Variants in PCDH9 observed in about 807,000 individuals in gnomAD.
PCDH9 encodes protocadherin 9, also known as protocadherin-9.
Under a neutral mutation model 70.6 loss-of-function variants are expected in PCDH9, and 24 were observed. The observed-to-expected ratio is 0.34, with a 90% confidence interval of 0.25 to 0.48. The LOEUF (loss-of-function observed/expected upper bound fraction) is 0.48, where lower values mean the gene tolerates loss of function less well. Ranked by LOEUF, PCDH9 falls within the 20% of genes least tolerant of loss-of-function variation. PCDH9 has a pLI of 0.99. For missense variants in PCDH9, 1,281 were observed against 1,503.6 expected (o/e 0.85, Z 2.45); for synonymous variants, 562 against 558.5 (o/e 1.01, Z -0.09).
Position 66,868,188 on chromosome 13 carries a change from C to T in PCDH9, c.3138+35316G>A, listed in dbSNP as rs184539787. On this transcript the variant is annotated intron_variant, in intron 3 of 4. Transcript: ENST00000377865. ...GAAACTGCTGCTAAAATGTAATATGCAGTACAAATTTAGCATGGCTAAATT... is the reference window on the plus strand; with the variant it reads ...GAAACTGCTGCTAAAATGTAATATGTAGTACAAATTTAGCATGGCTAAATT... Among the ~76,000 whole-genome samples the T allele has an allele frequency of 3.8e-3, 570 of 151,968 alleles. 1 individual carries two copies. The highest frequency in any genetic ancestry group is 5.1e-3 in the Admixed American group (78 of 15,264).
chr13:66,870,462 G>T (rs1327145152), intron 3 of PCDH9, among the ~76,000 whole-genome samples: 1 of 152,110 alleles, frequency 6.6e-6, no homozygotes. Context: ...CCTACAAAAT[G>T]GGAGAAAATT....
chr13:66,332,181 T>C (rs2138120408), intron 4 of PCDH9, among the ~76,000 whole-genome samples: 1 of 152,176 alleles, frequency 6.6e-6, no homozygotes, highest in East Asian at 1.9e-4. Context: ...CTTCCAAACT[T>C]CTGAGGCATT....
chr13:66,458,726 T>C lies in PCDH9; in HGVS notation c.3341-153698A>G, dbSNP rs117827786. ...ATTACCTAGAAGACAAATGGTGACATTCGAAGAGTCCAAGCTTGCTGTGAC... is the reference window on the plus strand; with the variant it reads ...ATTACCTAGAAGACAAATGGTGACACTCGAAGAGTCCAAGCTTGCTGTGAC... On this transcript the variant is annotated intron_variant, in intron 4 of 4. Coordinates refer to ENST00000377865, the MANE Select transcript of PCDH9 (RefSeq NM_203487.3). Among the ~76,000 whole-genome samples, 560 of 152,132 alleles carry C rather than the reference T, an allele frequency of 3.7e-3. 18 individuals carry two copies. The East Asian group carries it at 0.081, about 22-fold the overall frequency.
In PCDH9 at chr13:66,356,785, A is replaced by G. The variant is rs1017897111; in HGVS notation, c.3341-51757T>C. Reference sequence around the variant, plus strand: ...TTGAATAAATATATGCTACATCCTTACTAGATATGATAAAGCTTTTTGCAT... The same window carrying G: ...TTGAATAAATATATGCTACATCCTTGCTAGATATGATAAAGCTTTTTGCAT... On this transcript the variant is annotated intron_variant, in intron 4 of 4. Coordinates refer to ENST00000377865, the MANE Select transcript of PCDH9 (RefSeq NM_203487.3). Among the ~76,000 whole-genome samples, 5 of 152,116 alleles carry G rather than the reference A, an allele frequency of 3.3e-5. No individual in the cohort carries two copies. The South Asian group carries it at 8.3e-4, about 25-fold the overall frequency.
At chr13:67,035,684 G>A (rs1279856672) in intron 2 of PCDH9, among the ~76,000 whole-genome samples, 9 of 151,254 alleles carry the variant, frequency 6.0e-5, no homozygotes, top group Non-Finnish European at 1.3e-4. Flanking sequence ...GAACATAAAC[G>A]AACTTTTCTT....
intron 4 of PCDH9, among the ~76,000 whole-genome samples, chr13:66,413,138 C>A (rs76953420): frequency 1.3e-5 from 2 of 152,182 alleles, no homozygotes; most frequent in Non-Finnish European, 2.9e-5. Flanking sequence ...GCTTCTAATT[C>A]ATTCCCTCTC....
chr13:66,864,984 G>A (rs890688256), intron 3 of PCDH9, among the ~76,000 whole-genome samples: 1 of 152,124 alleles, frequency 6.6e-6, no homozygotes, highest in Admixed American at 6.5e-5. Context: ...AAATACAAGA[G>A]AAAGAATTAT....
chr13:66,979,903 C>T (rs1447443636), intron 2 of PCDH9, among the ~76,000 whole-genome samples: 3 of 152,012 alleles, frequency 2.0e-5, no homozygotes, highest in Non-Finnish European at 1.5e-5. Context: ...TATTTACCTT[C>T]TCCTATCCCT....
At chr13:66,403,047 A>C (rs532960581) in intron 4 of PCDH9, among the ~76,000 whole-genome samples, 7 of 152,288 alleles carry the variant, frequency 4.6e-5, no homozygotes, top group African/African-American at 1.7e-4. Context: ...GTATCTGAGA[A>C]AGAAGAAAAA....
chr13:66,439,712 T>C (rs1405001795), intron 4 of PCDH9, among the ~76,000 whole-genome samples: 1 of 152,176 alleles, frequency 6.6e-6, no homozygotes, highest in African/African-American at 2.4e-5. Context: ...TTTCATATAA[T>C]TTATTTATGG....
chr13:67,157,310 T>A (rs2087840377), intron 2 of PCDH9, among the ~76,000 whole-genome samples: 2 of 152,240 alleles, frequency 1.3e-5, no homozygotes, highest in Admixed American at 1.3e-4. Context: ...TCTCCTCCAT[T>A]AAATTGCAAA....
chr13:66,363,544 G>A (rs1432316153), intron 4 of PCDH9, among the ~76,000 whole-genome samples: 2 of 151,992 alleles, frequency 1.3e-5, no homozygotes, highest in African/African-American at 2.4e-5. Context: ...TTCACAAAAG[G>A]CATACACACA....
intron 2 of PCDH9, among the ~76,000 whole-genome samples, chr13:67,064,263 G>A (rs2085597263): frequency 6.6e-6 from 1 of 151,892 alleles, no homozygotes; most frequent in South Asian, 2.1e-4. Context: ...TATGGCAAGT[G>A]GTTTCTCAGA....
At chr13:66,869,498 C>A (rs1208823229) in intron 3 of PCDH9, among the ~76,000 whole-genome samples, 2 of 152,080 alleles carry the variant, frequency 1.3e-5, no homozygotes, top group Admixed American at 6.6e-5. Context: ...ACATAGATTT[C>A]TTAGATTATA....
intron 3 of PCDH9, among the ~76,000 whole-genome samples, chr13:66,795,088 A>T (rs1485164741): frequency 6.6e-6 from 1 of 152,058 alleles, no homozygotes; most frequent in Non-Finnish European, 1.5e-5. Context: ...TTTATTTAAC[A>T]TAATTTCACT....
At chr13:66,906,319 T>C (rs772174014) in intron 2 of PCDH9, among the ~76,000 whole-genome samples, 29 of 152,112 alleles carry the variant, frequency 1.9e-4, no homozygotes, top group Admixed American at 1.6e-3. Flanking sequence ...CATGAGTAAT[T>C]TGATAATAGT....
chr13:67,222,904 T>C (rs1435656460), intron 2 of PCDH9: 1 of 152,178 alleles, frequency 6.6e-6, no homozygotes, highest in African/African-American at 2.4e-5. Flanking sequence ...CGTTCATTCA[T>C]AGGAAATATG....
Position 66,899,870 on chromosome 13 carries a change from T to C in PCDH9, c.3138+3634A>G, listed in dbSNP as rs369940384. Reference sequence around the variant, plus strand: ...ACATGACAGTTTAAATTCCACACCATTTTTAAAATCTAGTTTAAGAAAGAA... The same window carrying C: ...ACATGACAGTTTAAATTCCACACCACTTTTAAAATCTAGTTTAAGAAAGAA... On this transcript the variant is annotated intron_variant, in intron 3 of 4. Transcript: ENST00000377865. Among the ~76,000 whole-genome samples the C allele has an allele frequency of 3.3e-5, 5 of 151,970 alleles. No homozygotes were observed. The East Asian group carries it at 5.8e-4, about 18-fold the overall frequency.
intron 4 of PCDH9, among the ~76,000 whole-genome samples, chr13:66,611,695 T>C (rs773682019): frequency 1.4e-4 from 21 of 152,200 alleles, no homozygotes; most frequent in Admixed American, 6.5e-5. Flanking sequence ...AATTTGAATA[T>C]AGGGAAGACT....
Sources: gnomAD v4.1 joint callset for allele counts (sites outside exome capture counted in the v4.1 genomes callset) on GRCh38, gnomAD v4.1.1 for gene constraint, MANE v1.5 for transcripts, NCBI Gene and HGNC (gene_info 2026-07-23, HGNC 2026-07-21) for gene names.